CSMD3: variants seen among roughly 807,000 people sequenced by gnomAD.
CSMD3 encodes the protein CUB and sushi domain-containing protein 3.
A neutral mutation model predicts 435.2 loss-of-function variants in CSMD3; 177 were observed. That is an observed-to-expected ratio of 0.41 (90% confidence interval 0.36 to 0.46). The LOEUF (loss-of-function observed/expected upper bound fraction) is 0.46. Ranked by LOEUF, CSMD3 falls within the 20% of genes least tolerant of loss-of-function variation. CSMD3 has a pLI of 0.34. For synonymous variants in CSMD3, 1,656 were observed against 1,520.5 expected, an observed-to-expected ratio of 1.09 and a Z score of -2.07; for missense variants, 4,265 against 4,504.6, an observed-to-expected ratio of 0.95 and a Z score of 1.52.
chr8:112,682,724 GAA>G, intron 15 of CSMD3, 88 bp from the exon 16 acceptor site: 1 of 904,612 alleles, frequency 1.1e-6, no homozygotes, highest in South Asian at 1.4e-5. Flanking sequence ...GAGAGAGAGA[GAA>G]AGAGATATTT....
Position 112,301,965 on chromosome 8 carries a change from A to C in CSMD3, c.8268T>G (p.Ile2756Met). The C allele has an allele frequency of 6.3e-7, 1 of 1,594,680 alleles. No homozygotes were observed. The highest frequency in any genetic ancestry group is 8.6e-7 in the Non-Finnish European group (1 of 1,162,656). ...GTGTAGGTAGTTCTCCACAGGAAAT[A>C]ACTTTAAAATGATAAATAAATAAAA... ...SWRNERPYCQ[I>M]ISCGELPTPP... The change falls in exon 53 of 71, where the codon ATT (isoleucine) becomes ATG (methionine). Residue 2756 changes from isoleucine (I) to methionine (M), a missense_variant and splice_region_variant. Ile to Met is a conservative substitution (Grantham distance 10). Around this residue, in one of 3 missense-constraint regions of CSMD3, gnomAD observed 3,255 missense variants for 3,380.2 expected, o/e 0.96. Transcript: ENST00000297405.
chr8:112,429,133 G>A (rs1335913952), intron 32 of CSMD3, among the ~76,000 whole-genome samples: 2 of 151,852 alleles, frequency 1.3e-5, no homozygotes, highest in African/African-American at 4.8e-5. Flanking sequence ...TGTATCTCTA[G>A]AATTTATTCT....
rs1822727004 is a variant in CSMD3 at position 112,318,902 on chromosome 8, T to C, written c.7295A>G (p.Asn2432Ser). ...QCLPGFTLVGNAILTCRLGER... is the reference protein window; with the variant it reads ...QCLPGFTLVGSAILTCRLGER... The stretch of plus-strand genomic sequence containing the variant: ...TCCTAATCTGCACGTCAGAATTGCA[T>C]TACCAACTAAAGTAAATCCTGGAAG... Residue 2432 changes from asparagine (N) to serine (S), a missense_variant, in exon 47 of 71, where the codon AAT becomes AGT. By Grantham distance (46) the Asn-to-Ser change is conservative. This residue lies in a region of CSMD3 where 3,255 missense variants were observed against 3,380.2 expected (regional missense o/e 0.96). Coordinates refer to ENST00000297405, the MANE Select transcript of CSMD3 (RefSeq NM_198123.2). 5.6e-6 allele frequency: 9 copies of C among 1,612,584 alleles called. No individual in the cohort carries two copies. In the East Asian group the frequency reaches 1.8e-4, roughly 32 times the overall value.
intron 65 of CSMD3, among the ~76,000 whole-genome samples, chr8:112,243,606 T>G (rs114147037): frequency 0.017 from 2,642 of 152,178 alleles, 74 homozygotes; most frequent in African/African-American, 0.061. Context: ...TCCCAGATAG[T>G]GCTTTCCTGA....
chr8:113,386,981 T>C (rs1004373954), intron 1 of CSMD3, among the ~76,000 whole-genome samples: 5 of 151,826 alleles, frequency 3.3e-5, no homozygotes, highest in East Asian at 1.9e-4. Context: ...GCATTTCAGA[T>C]TTTTAAAACT....
chr8:112,343,760 C>T (rs963824876), intron 41 of CSMD3, among the ~76,000 whole-genome samples: 2 of 152,160 alleles, frequency 1.3e-5, no homozygotes, highest in Non-Finnish European at 2.9e-5. Context: ...GTCCTTCTGC[C>T]TCAGCCTTCT....
At chr8:112,571,372 A>G (rs1489540340) in intron 24 of CSMD3, among the ~76,000 whole-genome samples, 2 of 152,112 alleles carry the variant, frequency 1.3e-5, no homozygotes, top group Non-Finnish European at 2.9e-5. Context: ...ATCTTTTTAA[A>G]AAAATTCTAC....
chr8:113,131,626 G>A (rs561651914), intron 4 of CSMD3, among the ~76,000 whole-genome samples: 24 of 152,192 alleles, frequency 1.6e-4, no homozygotes, highest in African/African-American at 5.1e-4. Flanking sequence ...GAGAACCTCC[G>A]CTAGGAAAGT....
intron 32 of CSMD3, among the ~76,000 whole-genome samples, chr8:112,458,700 T>C (rs1817114566): frequency 6.6e-6 from 1 of 152,074 alleles, no homozygotes; most frequent in Non-Finnish European, 1.5e-5. Flanking sequence ...TCAGTCCCTT[T>C]GGGTTTGATG....
chr8:112,510,854 A>G (rs1823048193), intron 28 of CSMD3, among the ~76,000 whole-genome samples: 1 of 152,186 alleles, frequency 6.6e-6, no homozygotes, highest in Admixed American at 6.5e-5. Flanking sequence ...TATATATTTC[A>G]TAACGTTTGT....
At chr8:112,314,998 TA>T (rs1293551049) in intron 47 of CSMD3, among the ~76,000 whole-genome samples, 1 of 151,970 alleles carries the variant, frequency 6.6e-6, no homozygotes, top group Non-Finnish European at 1.5e-5. Flanking sequence ...CCTTACTTTT[TA>T]ACTCACTCTC....
chr8:112,928,379 C>T (rs1007213021), intron 9 of CSMD3, among the ~76,000 whole-genome samples: 2 of 152,104 alleles, frequency 1.3e-5, no homozygotes, highest in Non-Finnish European at 2.9e-5. Flanking sequence ...TCATAGAGTC[C>T]TTTTCGTTAA....
intron 3 of CSMD3, among the ~76,000 whole-genome samples, chr8:113,179,306 A>T (rs1447186147): frequency 2.0e-5 from 3 of 151,818 alleles, no homozygotes; most frequent in African/African-American, 7.2e-5. Context: ...ATTATTATAA[A>T]TTGTGTATTT....
rs534028694 is a variant in CSMD3 at position 113,182,568 on chromosome 8, CA to C, written c.515-8653del. ...AACAAAAAAACAACAAAAACAAAAACAAAAAAAACTCACAACGAATTGCTTA... is the reference window on the plus strand; with the variant it reads ...AACAAAAAAACAACAAAAACAAAAACAAAAAAACTCACAACGAATTGCTTA... On this transcript the variant is annotated intron_variant, in intron 3 of 70. Transcript: ENST00000297405. 4.0e-5 allele frequency among the ~76,000 whole-genome samples: 6 copies of C among 150,206 alleles called. No individual in the cohort carries two copies. In the East Asian group the frequency reaches 5.9e-4, roughly 15 times the overall value.
intron 13 of CSMD3, among the ~76,000 whole-genome samples, chr8:112,713,722 C>G (rs778011170): frequency 1.2e-4 from 19 of 152,224 alleles, no homozygotes; most frequent in Non-Finnish European, 2.5e-4. Flanking sequence ...ATCAAGAGAT[C>G]TCTCAGCAGA....
At chr8:113,222,030 A>AC in intron 3 of CSMD3, among the ~76,000 whole-genome samples, 1 of 150,978 alleles carries the variant, frequency 6.6e-6, no homozygotes, top group South Asian at 2.1e-4. Context: ...TTGAAGGTTA[A>AC]GTAAATGCAT....
At chr8:112,289,593 CTA>C (rs928908434) in intron 56 of CSMD3, 55 bp from the exon 57 acceptor site, 7 of 1,140,702 alleles carry the variant, frequency 6.1e-6, no homozygotes, top group African/African-American at 1.6e-5. Flanking sequence ...ATCGAACAAC[CTA>C]TACCAGCATG....
intron 3 of CSMD3, among the ~76,000 whole-genome samples, chr8:113,188,650 GT>G (rs979988999): frequency 1.4e-4 from 21 of 151,940 alleles, no homozygotes; most frequent in African/African-American, 5.1e-4. Flanking sequence ...TTAAAAACAA[GT>G]AGAAGGGCTT....
At chr8:113,021,240 A>AT (rs1047795716) in intron 5 of CSMD3, among the ~76,000 whole-genome samples, 1 of 152,126 alleles carries the variant, frequency 6.6e-6, no homozygotes, top group Non-Finnish European at 1.5e-5. Flanking sequence ...TAATTGTATA[A>AT]TTTTAGACTC....
Sources: allele counts gnomAD v4.1 joint callset (sites outside exome capture counted in the v4.1 genomes callset), GRCh38; gene constraint gnomAD v4.1.1; regional missense constraint gnomAD v4.1.1; transcripts MANE v1.5; gene names NCBI Gene and HGNC (gene_info 2026-07-23, HGNC 2026-07-21).